VAPA: variants seen among roughly 807,000 people sequenced by gnomAD.
The protein encoded by VAPA is VAMP associated protein A.
In VAPA, 6 loss-of-function variants were observed where a neutral mutation model predicts 25.6. The ratio of observed to expected loss-of-function variants is 0.23; its 90% CI spans 0.13 to 0.46. The LOEUF (loss-of-function observed/expected upper bound fraction) is 0.46. Ranked by LOEUF, VAPA falls within the 20% of genes least tolerant of loss-of-function variation. The pLI, the probability that VAPA is intolerant of heterozygous loss-of-function variation, is 0.99. For synonymous variants in VAPA, 112 were observed against 106.2 expected (o/e 1.05, Z -0.34); for missense variants, 244 against 302.1 (o/e 0.81, Z 1.43).
At chr18:9,931,755 CGTT>C in intron 1 of VAPA, 52 bp from the exon 2 acceptor site, 1 of 1,468,180 alleles carries the variant, frequency 6.8e-7, no homozygotes, top group East Asian at 2.4e-5. Context: ...TTGAATCCTT[CGTT>C]GTTGAGAATC....
At chr18:9,932,578 T>G (rs1396401790) in intron 2 of VAPA, among the ~76,000 whole-genome samples, 1 of 152,242 alleles carries the variant, frequency 6.6e-6, no homozygotes, top group African/African-American at 2.4e-5. Context: ...ACTGTTTCTT[T>G]CTTTCTCAGT....
At chr18:9,943,770 T>C (rs1311784845) in intron 4 of VAPA, among the ~76,000 whole-genome samples, 1 of 151,744 alleles carries the variant, frequency 6.6e-6, no homozygotes, top group East Asian at 1.9e-4. Flanking sequence ...ACTCTGACAT[T>C]TTCTAAATTT....
At chr18:9,938,467 T>TA (rs2069333837) in intron 4 of VAPA, among the ~76,000 whole-genome samples, 1 of 152,238 alleles carries the variant, frequency 6.6e-6, no homozygotes, top group South Asian at 2.1e-4. Flanking sequence ...AAAGAGCAGT[T>TA]ATGCCTACCT....
intron 1 of VAPA, among the ~76,000 whole-genome samples, chr18:9,918,449 G>A (rs945435647): frequency 3.3e-5 from 5 of 151,802 alleles, no homozygotes; most frequent in Admixed American, 2.6e-4. Context: ...ACTACTTATT[G>A]CTAACTTAAT....
intron 1 of VAPA, 135 bp downstream of exon 1, chr18:9,914,470 T>C (rs1431775886): frequency 1.4e-6 from 1 of 691,922 alleles, no homozygotes; most frequent in Non-Finnish European, 2.1e-6. Context: ...CGCCTTCCCT[T>C]TCCCGGCTGC....
At chr18:9,921,433 A>C (rs1455775461) in intron 1 of VAPA, among the ~76,000 whole-genome samples, 1 of 152,196 alleles carries the variant, frequency 6.6e-6, no homozygotes, top group African/African-American at 2.4e-5. Flanking sequence ...AGAAAATGCT[A>C]TTTTTCTGTG....
chr18:9,944,818 T>A (rs2069404252), intron 4 of VAPA: 1 of 1,351,970 alleles, frequency 7.4e-7, no homozygotes, highest in Non-Finnish European at 1.0e-6. Context: ...TTATAAAGTG[T>A]TAATGTTTAG....
At chr18:9,943,840 C>CTTTTTTTTTTTTTTTTTTTTT (rs1281083775) in intron 4 of VAPA, among the ~76,000 whole-genome samples, 1 of 90,446 alleles carries the variant, frequency 1.1e-5, no homozygotes, top group Admixed American at 1.3e-4. Flanking sequence ...GACATATTTC[C>CTTTTTTTTTTTTTTTTTTTTT]CTTTTTTTTT....
rs537148493 is a variant in VAPA at position 9,937,550 on chromosome 18, T to C, written c.417+484T>C. Among the ~76,000 whole-genome samples the C allele has an allele frequency of 2.1e-4, 32 of 152,316 alleles. 1 individual carries two copies. Among genetic ancestry groups the C allele is most frequent in the Middle Eastern group, 3.4e-3 (1 of 294 alleles). ...TGTATTCTTTAGTAAATAATTATTA[T>C]GTTGCTTACTCATTAGTGTAAGTCT... On this transcript the variant is annotated intron_variant, in intron 4 of 5. Transcript: ENST00000400000.
chr18:9,940,475 A>C (rs954674378), intron 4 of VAPA, among the ~76,000 whole-genome samples: 2 of 152,208 alleles, frequency 1.3e-5, no homozygotes, highest in Non-Finnish European at 2.9e-5. Context: ...CCAAGGTAAG[A>C]GTGGAGGCCC....
At position 9,936,101 on chromosome 18, in the gene VAPA, C is replaced by G; in HGVS notation, c.233-9C>G. 1 of 1,568,626 alleles carries G rather than the reference C, an allele frequency of 6.4e-7. No homozygotes were observed. The highest frequency in any genetic ancestry group is 8.7e-7 in the Non-Finnish European group (1 of 1,154,578). ...AGACAATATAATATATCCTTTTTTTCTTATTTAGTAATGCTACAGCCCTTT... is the reference window on the plus strand; with the variant it reads ...AGACAATATAATATATCCTTTTTTTGTTATTTAGTAATGCTACAGCCCTTT... On this transcript the variant is annotated splice_polypyrimidine_tract_variant and intron_variant, in intron 2 of 5. Coordinates refer to ENST00000400000, the MANE Select transcript of VAPA (RefSeq NM_194434.3).
chr18:9,944,082 C>T (rs1185488976), intron 4 of VAPA, among the ~76,000 whole-genome samples: 2 of 151,806 alleles, frequency 1.3e-5, no homozygotes, highest in African/African-American at 4.8e-5. Flanking sequence ...ATCTCCTGAC[C>T]TTGTGATCCG....
intron 4 of VAPA, 109 bp downstream of exon 4, chr18:9,937,175 CT>C: frequency 2.0e-6 from 1 of 492,858 alleles, no homozygotes; most frequent in Non-Finnish European, 3.3e-6. Flanking sequence ...GGCTATTACA[CT>C]TCATAAGACT....
intron 1 of VAPA, among the ~76,000 whole-genome samples, chr18:9,925,702 A>G (rs2069195027): frequency 6.6e-6 from 1 of 152,112 alleles, no homozygotes; most frequent in Non-Finnish European, 1.5e-5. Context: ...AATTTGTAAT[A>G]AGAATGTTTT....
intron 1 of VAPA, among the ~76,000 whole-genome samples, chr18:9,917,850 AC>A (rs2069125068): frequency 6.6e-6 from 1 of 152,140 alleles, no homozygotes; most frequent in Non-Finnish European, 1.5e-5. Context: ...GATATTTAGC[AC>A]ATTTTTAGGT....
intron 4 of VAPA, among the ~76,000 whole-genome samples, chr18:9,943,186 T>A (rs1254882542): frequency 6.6e-6 from 1 of 152,238 alleles, no homozygotes; most frequent in African/African-American, 2.4e-5. Context: ...AGTCCATGTT[T>A]TTATTTTTAT....
At position 9,914,354 on chromosome 18, in the gene VAPA, C is replaced by A. The variant is rs773796256; in HGVS notation, c.79+19C>A. Reference sequence around the variant, plus strand: ...TTCAAAGGTAGGCAGAACGGGGACACCCCCGGGTGGGGTGGGGCGCGCGGA... The same window carrying A: ...TTCAAAGGTAGGCAGAACGGGGACAACCCCGGGTGGGGTGGGGCGCGCGGA... On this transcript the variant is annotated intron_variant, in intron 1 of 5. Transcript: ENST00000400000. 9.0e-6 allele frequency: 14 copies of A among 1,560,810 alleles called. No homozygotes were observed. In the East Asian group the frequency reaches 3.2e-4, roughly 35 times the overall value.
At chr18:9,950,289 TA>T in intron 4 of VAPA, 105 bp from the exon 5 acceptor site, 3 of 1,282,658 alleles carry the variant, frequency 2.3e-6, no homozygotes, top group Non-Finnish European at 3.3e-6. Flanking sequence ...TTAGGCCTTT[TA>T]AAGAGTTTTT....
At chr18:9,943,477 C>T (rs1421389760) in intron 4 of VAPA, among the ~76,000 whole-genome samples, 1 of 152,214 alleles carries the variant, frequency 6.6e-6, no homozygotes, top group South Asian at 2.1e-4. Flanking sequence ...GTTAATGGCC[C>T]CTAGTGTCTT....
Sources: gnomAD v4.1 joint callset for allele counts (sites outside exome capture counted in the v4.1 genomes callset) on GRCh38, gnomAD v4.1.1 for gene constraint, MANE v1.5 for transcripts, NCBI Gene and HGNC (gene_info 2026-07-23, HGNC 2026-07-21) for gene names.